The following TJP2 variants were observed in gnomAD, a reference collection of about 807,000 sequenced individuals.
TJP2 encodes Friedreich ataxia region gene X104 (tight junction protein ZO-2).
In TJP2, 91 loss-of-function variants were observed where a neutral mutation model predicts 133.1. That is an observed-to-expected ratio of 0.68 (90% CI 0.58 to 0.81). The LOEUF is 0.81. Ranked by LOEUF, TJP2 falls within the 40% of genes least tolerant of loss-of-function variation. The pLI is 0.00. For synonymous variants in TJP2, 592 were observed against 583.4 expected, an observed-to-expected ratio of 1.01 and a Z score of -0.21; for missense variants, 1,541 against 1,565.6, an observed-to-expected ratio of 0.98 and a Z score of 0.26.
chr9:69,145,634 A>T, intron 1 of TJP2: 1 of 952,040 alleles, frequency 1.1e-6, no homozygotes, highest in Non-Finnish European at 1.4e-6. Flanking sequence ...AGCTTCCATT[A>T]AAGATTAGTT....
rs775705791 is a variant in TJP2, at chr9:69,230,287, T to C, written c.1671+55T>C. 4.3e-6 allele frequency: 7 copies of C among 1,609,706 alleles called. No homozygotes were observed. The African/African-American group carries it at 8.0e-5, about 18-fold the overall frequency. The stretch of plus-strand genomic sequence containing the variant: ...GTTACTTGTAAGGAGTGCACTTTTC[T>C]GGGTGTTCTTTCTGTAAGGGAAGAC... On this transcript the variant is annotated intron_variant, in intron 11 of 22. Coordinates refer to ENST00000377245, the MANE Select transcript of TJP2 (RefSeq NM_004817.4).
intron 11 of TJP2, among the ~76,000 whole-genome samples, chr9:69,230,881 T>G (rs1296997470): frequency 6.6e-6 from 1 of 152,208 alleles, no homozygotes; most frequent in Non-Finnish European, 1.5e-5. Context: ...CTACTCAATG[T>G]TATTTACATC....
intron 2 of TJP2, among the ~76,000 whole-genome samples, chr9:69,160,764 G>A (rs1824025019): frequency 1.3e-5 from 2 of 152,182 alleles, no homozygotes; most frequent in Admixed American, 1.3e-4. Flanking sequence ...CATGGCAGAA[G>A]GTAAAAAGCA....
chr9:69,131,076 C>T (rs781502015), intron 1 of TJP2, among the ~76,000 whole-genome samples: 4 of 152,150 alleles, frequency 2.6e-5, no homozygotes, highest in Non-Finnish European at 5.9e-5. Context: ...TCTTTCTGGC[C>T]GTAGTCCCAG....
At chr9:69,134,779 T>A (rs1290369941) in intron 1 of TJP2, among the ~76,000 whole-genome samples, 1 of 152,098 alleles carries the variant, frequency 6.6e-6, no homozygotes, top group African/African-American at 2.4e-5. Flanking sequence ...TAACAGACAT[T>A]TGTTTCTCAG....
At chr9:69,251,453 G>A in intron 21 of TJP2, 89 bp downstream of exon 21, 1 of 1,369,326 alleles carries the variant, frequency 7.3e-7, no homozygotes, top group Non-Finnish European at 1.0e-6. Context: ...TGCTGCTGCT[G>A]CAGATGTGGC....
chr9:69,254,115 G>GAT, intron 22 of TJP2, 94 bp from the exon 23 acceptor site: 6 of 1,414,630 alleles, frequency 4.2e-6, no homozygotes, highest in Non-Finnish European at 6.0e-6. Flanking sequence ...ATCTGCTCGG[G>GAT]ATACCCAGTC....
chr9:69,238,622 G>A, intron 15 of TJP2, 88 bp from the exon 16 acceptor site: 1 of 972,758 alleles, frequency 1.0e-6, no homozygotes, highest in Non-Finnish European at 1.6e-6. Context: ...AATGTCAGGT[G>A]TGCCATCATT....
At chr9:69,131,755 T>C (rs1822504077) in intron 1 of TJP2, among the ~76,000 whole-genome samples, 2 of 152,188 alleles carry the variant, frequency 1.3e-5, no homozygotes, top group African/African-American at 2.4e-5. Flanking sequence ...CAGATGAACA[T>C]TCCTGCTGGC....
intron 4 of TJP2, 52 bp from the exon 5 acceptor site, chr9:69,220,835 C>G: frequency 6.4e-7 from 1 of 1,570,948 alleles, no homozygotes; most frequent in Non-Finnish European, 8.7e-7. Flanking sequence ...CTGCCTTCTC[C>G]ACATTCAGTT....
At chr9:69,172,862 C>T (rs989973662), upstream of TJP2, among the ~76,000 whole-genome samples, 4 of 152,104 alleles carry the variant, frequency 2.6e-5, no homozygotes, top group East Asian at 3.8e-4. Flanking sequence ...CATGAGCCAC[C>T]GTGCCTGGCC....
chr9:69,168,095 C>G (rs184021221), intron 2 of TJP2, among the ~76,000 whole-genome samples: 3 of 152,244 alleles, frequency 2.0e-5, no homozygotes, highest in Admixed American at 1.3e-4. Flanking sequence ...CTGAAAATTA[C>G]TTATGAGTGA....
At chr9:69,186,489 A>G (rs1402693631) in intron 1 of TJP2, among the ~76,000 whole-genome samples, 10 of 152,238 alleles carry the variant, frequency 6.6e-5, no homozygotes, top group Admixed American at 5.9e-4. Flanking sequence ...CTAGAAATAT[A>G]TTGACAGAAT....
chr9:69,192,920 CTT>C lies in TJP2; in HGVS notation c.60+18506_60+18507del, dbSNP rs35014942. On this transcript the variant is annotated intron_variant, in intron 1 of 22. Transcript: ENST00000377245. The stretch of plus-strand genomic sequence containing the variant: ...GTCTTCCTTTCTTCCTTCTCTCTCA[CTT>C]TTTTTTTTTTTTTTTTTGAGATGTG... Among the ~76,000 whole-genome samples, 864 of 107,134 alleles carry C rather than the reference CTT, an allele frequency of 8.1e-3. 11 individuals carry two copies. The highest frequency in any genetic ancestry group is 0.024 in the African/African-American group (660 of 27,530). 70.3% of individuals were successfully genotyped at this position (107,134 alleles called of 152,430 possible).
upstream of TJP2, among the ~76,000 whole-genome samples, chr9:69,172,236 A>C (rs999247447): frequency 3.3e-5 from 5 of 152,250 alleles, no homozygotes; most frequent in Non-Finnish European, 5.9e-5. Context: ...CTAATATATC[A>C]ACTGAACCGT....
chr9:69,248,043 G>T lies in TJP2; in HGVS notation c.2699G>T (p.Arg900Leu), dbSNP rs773962012. ...MEGMDDDPED[R>L]MSYLTAMGAD... ...GGGATGGATGATGACCCCGAAGACC[G>T]CATGTCCTACTTAACCGCCATGGGC... The change falls in exon 19 of 23, where the codon CGC (arginine) becomes CTC (leucine). Residue 900 changes from arginine (R) to leucine (L), a missense_variant. Arg to Leu is a moderately radical substitution (Grantham distance 102). Transcript: ENST00000377245. The T allele has an allele frequency of 1.2e-6, 2 of 1,613,018 alleles. No homozygotes were observed. Among genetic ancestry groups the T allele is most frequent in the Admixed American group, 1.7e-5 (1 of 59,968 alleles).
chr9:69,130,292 T>C (rs1316369947), intron 1 of TJP2, among the ~76,000 whole-genome samples: 7 of 152,138 alleles, frequency 4.6e-5, no homozygotes, highest in Non-Finnish European at 8.8e-5. Context: ...ATGTTGGTAA[T>C]AGCAGAGAAC....
At chr9:69,162,826 C>T (rs1824150492) in intron 2 of TJP2, among the ~76,000 whole-genome samples, 1 of 152,118 alleles carries the variant, frequency 6.6e-6, no homozygotes, top group African/African-American at 2.4e-5. Flanking sequence ...TTGTACTTTA[C>T]CACTTTTTGG....
chr9:69,197,190 C>G (rs184495229), intron 1 of TJP2, among the ~76,000 whole-genome samples: 2 of 152,144 alleles, frequency 1.3e-5, no homozygotes, highest in Non-Finnish European at 2.9e-5. Flanking sequence ...CTCCTGAACT[C>G]AAGTGATCCA....
Sources: allele counts gnomAD v4.1 joint callset (sites outside exome capture counted in the v4.1 genomes callset), GRCh38; gene constraint gnomAD v4.1.1; transcripts MANE v1.5; gene names NCBI Gene and HGNC (gene_info 2026-07-23, HGNC 2026-07-21).